Variants in WWC1 observed in about 807,000 individuals in gnomAD.
The protein encoded by WWC1 is WW and C2 domain containing 1.
WWC1 carries 55 observed loss-of-function variants against 138.4 expected under a neutral mutation model. The ratio of observed to expected loss-of-function variants is 0.40; its 90% confidence interval spans 0.32 to 0.50. The LOEUF (loss-of-function observed/expected upper bound fraction) is 0.50, where lower values mean the gene tolerates loss of function less well. Ranked by LOEUF, WWC1 falls within the 20% of genes least tolerant of loss-of-function variation. The pLI is 0.72. For missense variants in WWC1, 1,226 were observed against 1,420.4 expected (o/e 0.86, Z 2.20); for synonymous variants, 524 against 564.9 (o/e 0.93, Z 1.03).
At chr5:168,360,462 CTATT>C (rs1775800470) in intron 1 of WWC1, among the ~76,000 whole-genome samples, 1 of 152,184 alleles carries the variant, frequency 6.6e-6, no homozygotes, top group Non-Finnish European at 1.5e-5. Flanking sequence ...AGGAAGCGAT[CTATT>C]TTACATGGAG....
chr5:168,443,882 T>G (rs887084667), intron 16 of WWC1, among the ~76,000 whole-genome samples: 1 of 152,260 alleles, frequency 6.6e-6, no homozygotes, highest in East Asian at 1.9e-4. Context: ...ATGTGCCAGG[T>G]ATTCTTCTGT....
rs1238031515 is a variant in WWC1 at position 168,471,333 on chromosome 5, C to T, written c.*2316C>T. The T allele has an allele frequency of 6.6e-6, 1 of 152,334 alleles. No individual in the cohort carries two copies. Among genetic ancestry groups the T allele is most frequent in the African/African-American group, 2.4e-5 (1 of 41,468 alleles). 9.4% of individuals were successfully genotyped at this position (152,334 alleles called of 1,614,324 possible). ...CCCCGTGGCTTCACGTCTCTGAACACATCAATCTCTGATGTTCTCTCTCCT... is the reference window on the plus strand; with the variant it reads ...CCCCGTGGCTTCACGTCTCTGAACATATCAATCTCTGATGTTCTCTCTCCT... On this transcript the variant is annotated 3_prime_UTR_variant, in exon 23 of 23. Coordinates refer to ENST00000265293, the MANE Select transcript of WWC1 (RefSeq NM_015238.3).
At chr5:168,327,357 C>T (rs1394511311) in intron 1 of WWC1, among the ~76,000 whole-genome samples, 7 of 152,168 alleles carry the variant, frequency 4.6e-5, no homozygotes, top group Admixed American at 1.3e-4. Flanking sequence ...CATGCTGACT[C>T]GCTCGGATAG....
intron 19 of WWC1, among the ~76,000 whole-genome samples, chr5:168,459,335 C>T (rs1483926952): frequency 2.6e-5 from 4 of 151,780 alleles, no homozygotes; most frequent in African/African-American, 4.8e-5. Context: ...TATGAATCTA[C>T]CCCAGTTGTC....
At chr5:168,385,167 A>C in intron 2 of WWC1, 44 bp from the exon 3 acceptor site, 1 of 1,607,682 alleles carries the variant, frequency 6.2e-7, no homozygotes, top group Non-Finnish European at 8.5e-7. Context: ...AGCCCAACAG[A>C]TATTTGTGAG....
In WWC1 at chr5:168,334,840, G is replaced by A. The variant is rs529900615; in HGVS notation, c.120-36584G>A. On this transcript the variant is annotated intron_variant, in intron 1 of 22. Transcript: ENST00000265293. Reference sequence around the variant, plus strand: ...GAGGCAGCTGAGGATGTGACTGAGCGCCTGAGCGCCTGGAGCCCAGCTGAA... The same window carrying A: ...GAGGCAGCTGAGGATGTGACTGAGCACCTGAGCGCCTGGAGCCCAGCTGAA... Among the ~76,000 whole-genome samples the A allele has an allele frequency of 3.9e-5, 6 of 152,338 alleles. No individual in the cohort carries two copies. The East Asian group carries it at 1.2e-3, about 29-fold the overall frequency.
intron 9 of WWC1, chr5:168,415,666 T>C (rs970225569): frequency 6.6e-6 from 1 of 152,064 alleles, no homozygotes; most frequent in African/African-American, 2.4e-5. Context: ...TAACAAGACA[T>C]GGTCCCTGCC....
At chr5:168,342,496 A>G (rs966218673) in intron 1 of WWC1, among the ~76,000 whole-genome samples, 1 of 152,200 alleles carries the variant, frequency 6.6e-6, no homozygotes, top group Admixed American at 6.5e-5. Context: ...AGTTTGAAGC[A>G]GTAACATTAG....
rs374609820 is a variant in WWC1, at chr5:168,332,460, A to G, written c.120-38964A>G. Among the ~76,000 whole-genome samples the G allele has an allele frequency of 1.3e-4, 20 of 152,302 alleles. No homozygotes were observed. In the South Asian group the frequency reaches 3.9e-3, roughly 30 times the overall value. On this transcript the variant is annotated intron_variant, in intron 1 of 22. Coordinates refer to ENST00000265293, the MANE Select transcript of WWC1 (RefSeq NM_015238.3). The stretch of plus-strand genomic sequence containing the variant: ...CATCTAATAATTCTGTTTATAAGTG[A>G]TACTTTCTTAGTAATGAAGTAGAAT...
At chr5:168,377,437 A>G (rs1189303548) in intron 2 of WWC1, among the ~76,000 whole-genome samples, 1 of 152,222 alleles carries the variant, frequency 6.6e-6, no homozygotes, top group African/African-American at 2.4e-5. Flanking sequence ...AATGGGACCT[A>G]ATTAAACTAA....
intron 20 of WWC1, among the ~76,000 whole-genome samples, chr5:168,461,915 G>A (rs1047798631): frequency 1.2e-4 from 18 of 152,168 alleles, no homozygotes; most frequent in African/African-American, 4.3e-4. Flanking sequence ...AATTAGCTGG[G>A]CGTGGTGGTG....
Position 168,292,889 on chromosome 5 carries a change from G to A in WWC1, c.119+618G>A, listed in dbSNP as rs1769189481. Among the ~76,000 whole-genome samples the A allele has an allele frequency of 6.6e-6, 1 of 152,220 alleles. No individual in the cohort carries two copies. Among genetic ancestry groups the A allele is most frequent in the African/African-American group, 2.4e-5 (1 of 41,456 alleles). ...GTGGGGAGGAAGTGAAGAAGCGGGG[G>A]AGGGCAGATGAGGGAGACTGGTTAT... On this transcript the variant is annotated intron_variant, in intron 1 of 22. Transcript: ENST00000265293. The surrounding 1 kb of genome is among the most constrained non-coding windows in gnomAD (Gnocchi z 4.4).
At chr5:168,398,829 T>G in intron 4 of WWC1, among the ~76,000 whole-genome samples, 1 of 152,140 alleles carries the variant, frequency 6.6e-6, no homozygotes, top group East Asian at 1.9e-4. Flanking sequence ...TGAACTCTAG[T>G]CCAGCCCATG....
rs948062650 is a variant in WWC1, at chr5:168,470,339, A to T, written c.*1322A>T. The T allele has an allele frequency of 6.6e-6, 1 of 152,188 alleles. No individual in the cohort carries two copies. Among genetic ancestry groups the T allele is most frequent in the African/African-American group, 2.4e-5 (1 of 41,440 alleles). The allele number at this position is 152,188 out of a possible 1,614,324, so 9.4% of individuals were successfully genotyped here. ...ATTAAAAATGCAGACTGTTGAGACC[A>T]TCCTGGCTAACACGGTGAAACCCTG... On this transcript the variant is annotated 3_prime_UTR_variant, in exon 23 of 23. Transcript: ENST00000265293.
chr5:168,428,820 C>T (rs145063658), intron 13 of WWC1, 33 bp downstream of exon 13: 72 of 1,610,066 alleles, frequency 4.5e-5, no homozygotes, highest in South Asian at 2.3e-4. Flanking sequence ...ACAGAAGGAA[C>T]GGTCTGTGTG....
At chr5:168,402,173 A>G (rs990619672) in intron 5 of WWC1, among the ~76,000 whole-genome samples, 1 of 152,120 alleles carries the variant, frequency 6.6e-6, no homozygotes, top group African/African-American at 2.4e-5. Context: ...CCTCTGCCCC[A>G]TGTTTGATAT....
chr5:168,430,980 C>T (rs1401274527), intron 14 of WWC1, among the ~76,000 whole-genome samples: 2 of 152,228 alleles, frequency 1.3e-5, no homozygotes, highest in Non-Finnish European at 2.9e-5. Flanking sequence ...GCTGAATAGC[C>T]TCCTCCATAG....
At chr5:168,422,131 G>T in intron 10 of WWC1, 34 bp downstream of exon 10, 1 of 1,598,890 alleles carries the variant, frequency 6.3e-7, no homozygotes, top group South Asian at 1.1e-5. Context: ...CTGCTCCCCT[G>T]GGCATGGCCA....
At chr5:168,431,479 TG>T in intron 15 of WWC1, 35 bp downstream of exon 15, 1 of 1,533,478 alleles carries the variant, frequency 6.5e-7, no homozygotes. Flanking sequence ...GCTGGCTGGC[TG>T]GCTGGCTGGC....
Sources: gnomAD v4.1 joint callset for allele counts (sites outside exome capture counted in the v4.1 genomes callset) on GRCh38, gnomAD v4.1.1 for gene constraint, Gnocchi (gnomAD v3.1) non-coding constraint, MANE v1.5 for transcripts, NCBI Gene and HGNC (gene_info 2026-07-23, HGNC 2026-07-21) for gene names.